The following SH3TC2 variants were observed in gnomAD, a reference collection of about 807,000 sequenced individuals.
The protein encoded by SH3TC2 is SH3 domain and tetratricopeptide repeat-containing protein 2.
In SH3TC2, 87 loss-of-function variants were observed where a neutral mutation model predicts 124.5. The ratio of observed to expected loss-of-function variants is 0.70; its 90% CI spans 0.59 to 0.84. The LOEUF is 0.84. Among genes scored for constraint, SH3TC2 ranks in the 40% least tolerant of loss-of-function variants. SH3TC2 has a pLI of 0.00. For missense variants in SH3TC2, 1,536 were observed against 1,566.4 expected (o/e 0.98, Z 0.33); for synonymous variants, 634 against 628.5 (o/e 1.01, Z -0.13).
intron 4 of SH3TC2, chr5:149,043,964 T>A (rs995664846): frequency 6.5e-6 from 1 of 153,522 alleles, no homozygotes; most frequent in Admixed American, 6.4e-5. Flanking sequence ...TAAGTTGTTC[T>A]GTCTGGAGAA....
chr5:148,998,207 T>C lies in SH3TC2; in HGVS notation c.*6504A>G, dbSNP rs1753541983. Among the ~76,000 whole-genome samples the C allele has an allele frequency of 6.6e-6, 1 of 152,208 alleles. No individual in the cohort carries two copies. The highest frequency in any genetic ancestry group is 1.5e-5 in the Non-Finnish European group (1 of 68,036). ...ATGCACAAACATATGCACACGAGGATAAACCATAAAATGCATTTCTTACTG... is the reference window on the plus strand; with the variant it reads ...ATGCACAAACATATGCACACGAGGACAAACCATAAAATGCATTTCTTACTG... On this transcript the variant is annotated 3_prime_UTR_variant, in exon 17 of 17. Transcript: ENST00000515425.
Position 148,992,937 on chromosome 5 carries a change from G to C in SH3TC2, c.*11774C>G, listed in dbSNP as rs1328651371. ...TCATTGACTTTAACTTTGGTCCTCT[G>C]TATCTCATCATTTCCTTGAAGTTTG... On this transcript the variant is annotated 3_prime_UTR_variant, in exon 17 of 17. Coordinates refer to ENST00000515425, the MANE Select transcript of SH3TC2 (RefSeq NM_024577.4). Among the ~76,000 whole-genome samples, 2 of 152,122 alleles carry C rather than the reference G, an allele frequency of 1.3e-5. No homozygotes were observed. The highest frequency in any genetic ancestry group is 3.8e-4 in the East Asian group (2 of 5,196).
Position 149,028,138 on chromosome 5 carries a change from A to G in SH3TC2, c.1594T>C (p.Phe532Leu). 1 of 1,614,140 alleles carries G rather than the reference A, an allele frequency of 6.2e-7. No individual in the cohort carries two copies. Among genetic ancestry groups the G allele is most frequent in the Non-Finnish European group, 8.5e-7 (1 of 1,180,030 alleles). The change falls in exon 11 of 17, where the codon TTC becomes CTC. Residue 532 changes from phenylalanine to leucine, a missense_variant. By Grantham distance (22) the Phe-to-Leu change is conservative (BLOSUM62 0). This residue lies in a region of SH3TC2 where 1,102 missense variants were observed against 1,098.6 expected (regional missense o/e 1.00). Coordinates refer to ENST00000515425, the MANE Select transcript of SH3TC2 (RefSeq NM_024577.4). ...HMTWAHARLC[F>L]LLGRLSIRKV... ...CTGATGCTCAGCCGGCCCAGGAGGA[A>G]GCAGAGACGGGCATGGGCCCAGGTC...
At chr5:149,008,240 C>G (rs1281874457) in intron 15 of SH3TC2, 1 of 159,238 alleles carries the variant, frequency 6.3e-6, no homozygotes, top group Non-Finnish European at 1.4e-5. Flanking sequence ...CACCAACATT[C>G]AAGATGAGGG....
Position 149,051,536 on chromosome 5 carries a change from C to T in SH3TC2, c.151+606G>A, listed in dbSNP as rs151069653. Among the ~76,000 whole-genome samples, 471 of 152,250 alleles carry T rather than the reference C, an allele frequency of 3.1e-3. 5 individuals carry two copies. The highest frequency in any genetic ancestry group is 0.011 in the African/African-American group (443 of 41,534). On this transcript the variant is annotated intron_variant, in intron 2 of 16. Transcript: ENST00000515425. ...GTGCAATTACAGCTTACTGCAGCCT[C>T]GACGTCCCAGGCTCAGGCAGTCCTC...
At chr5:149,025,059 A>C (rs1408280961) in intron 12 of SH3TC2, among the ~76,000 whole-genome samples, 1 of 152,132 alleles carries the variant, frequency 6.6e-6, no homozygotes, top group Non-Finnish European at 1.5e-5. Flanking sequence ...CCAGTCCTAC[A>C]ATACCTCACC....
At chr5:149,008,582 G>T in intron 15 of SH3TC2, 1 of 534,832 alleles carries the variant, frequency 1.9e-6, no homozygotes, top group Non-Finnish European at 3.4e-6. Context: ...CATGTACCCA[G>T]GATTGTGCTA....
chr5:149,026,851 C>T lies in SH3TC2; in HGVS notation c.2872+9G>A, dbSNP rs76488338. ...TCTATAGCTTCCCAGCAGCATGGGACATACTTACTCTTTAGATGTCGATGC... is the reference window on the plus strand; with the variant it reads ...TCTATAGCTTCCCAGCAGCATGGGATATACTTACTCTTTAGATGTCGATGC... On this transcript the variant is annotated intron_variant, in intron 11 of 16. Transcript: ENST00000515425. 5,097 of 1,614,184 alleles carry T rather than the reference C, an allele frequency of 3.2e-3. 154 individuals are homozygous for T. In the African/African-American group the frequency reaches 0.06, roughly 19 times the overall value.
intron 1 of SH3TC2, among the ~76,000 whole-genome samples, chr5:149,059,824 C>A (rs1238091740): frequency 6.6e-6 from 1 of 151,996 alleles, no homozygotes; most frequent in Non-Finnish European, 1.5e-5. Context: ...AAAGAGATAT[C>A]CAGGGGCCCC....
At chr5:149,012,885 A>G in intron 12 of SH3TC2, 151 bp from the exon 13 acceptor site, 2 of 863,718 alleles carry the variant, frequency 2.3e-6, no homozygotes, top group South Asian at 2.9e-5. Context: ...CTCTACCCCA[A>G]TCAGCTGTGT....
At position 148,991,871 on chromosome 5, in the gene SH3TC2, C is replaced by G. The variant is rs182516724; in HGVS notation, c.*12840G>C. On this transcript the variant is annotated 3_prime_UTR_variant, in exon 17 of 17. Coordinates refer to ENST00000515425, the MANE Select transcript of SH3TC2 (RefSeq NM_024577.4). Reference sequence around the variant, plus strand: ...GACTTTATCCATGGAGGTGAGCCTCCTCTTGCACTGGAAGCTGGTATGCTG... The same window carrying G: ...GACTTTATCCATGGAGGTGAGCCTCGTCTTGCACTGGAAGCTGGTATGCTG... Among the ~76,000 whole-genome samples, 2 of 152,294 alleles carry G rather than the reference C, an allele frequency of 1.3e-5. No homozygotes were observed. Among genetic ancestry groups the G allele is most frequent in the East Asian group, 3.9e-4 (2 of 5,186 alleles).
chr5:149,038,724 A>C (rs1754323949), intron 7 of SH3TC2, among the ~76,000 whole-genome samples: 1 of 152,258 alleles, frequency 6.6e-6, no homozygotes, highest in Admixed American at 6.5e-5. Flanking sequence ...TTCACCAAAG[A>C]AAAAATGTTT....
chr5:149,043,154 C>T (rs1754400630), intron 4 of SH3TC2, among the ~76,000 whole-genome samples: 1 of 152,170 alleles, frequency 6.6e-6, no homozygotes, highest in South Asian at 2.1e-4. Flanking sequence ...CGGAGGTCTC[C>T]AAGTTTACAG....
chr5:149,016,924 C>CAAAA (rs753867645), intron 12 of SH3TC2, among the ~76,000 whole-genome samples: 1 of 92,954 alleles, frequency 1.1e-5, no homozygotes, highest in Non-Finnish European at 2.2e-5. Flanking sequence ...GACTCCGTCT[C>CAAAA]AAAAAAAAAA....
Position 149,047,988 on chromosome 5 carries a change from G to A in SH3TC2, c.153C>T (p.Asp51=), listed in dbSNP as rs1302181442. The change falls in exon 3 of 17, where the codon GAC becomes GAT. Residue 51 remains aspartate, a splice_region_variant and synonymous_variant. Transcript: ENST00000515425. The stretch of plus-strand genomic sequence containing the variant: ...TCTTTACACAGAAGGAGAGTGTCAG[G>A]TCTTAAAGAGAACAGAGAGAGAAGG... ...KCFLPQNINP[D]LTLSFCVKSR... 1 of 1,614,002 alleles carries A rather than the reference G, an allele frequency of 6.2e-7. No individual in the cohort carries two copies. The highest frequency in any genetic ancestry group is 1.7e-5 in the Admixed American group (1 of 60,010).
rs1189952385 is a variant in SH3TC2 at position 148,986,275 on chromosome 5, TA to T, written c.*18435del. ...GAAAGCAATTAAATATTGTGCTAAT[TA>T]AAAAACAGACATTGCTAGTGACTGT... On this transcript the variant is annotated 3_prime_UTR_variant, in exon 17 of 17. Coordinates refer to ENST00000515425, the MANE Select transcript of SH3TC2 (RefSeq NM_024577.4). Among the ~76,000 whole-genome samples the T allele has an allele frequency of 6.6e-6, 1 of 152,184 alleles. No individual in the cohort carries two copies. Among genetic ancestry groups the T allele is most frequent in the Non-Finnish European group, 1.5e-5 (1 of 68,030 alleles).
At position 148,999,974 on chromosome 5, in the gene SH3TC2, G is replaced by A. The variant is rs1335521415; in HGVS notation, c.*4737C>T. The stretch of plus-strand genomic sequence containing the variant: ...TGGACCTTTGCTTGACACATGCACT[G>A]TCTGTCAATACCAACCTGCTGGTCT... On this transcript the variant is annotated 3_prime_UTR_variant, in exon 17 of 17. Coordinates refer to ENST00000515425, the MANE Select transcript of SH3TC2 (RefSeq NM_024577.4). Among the ~76,000 whole-genome samples the A allele has an allele frequency of 6.6e-6, 1 of 152,088 alleles. No individual in the cohort carries two copies. The highest frequency in any genetic ancestry group is 1.9e-4 in the East Asian group (1 of 5,192).
chr5:149,027,302 G>T lies in SH3TC2; in HGVS notation c.2430C>A (p.Ser810Arg). 2 of 1,614,068 alleles carry T rather than the reference G, an allele frequency of 1.2e-6. No individual in the cohort carries two copies. Among genetic ancestry groups the T allele is most frequent in the Non-Finnish European group, 1.7e-6 (2 of 1,180,044 alleles). Residue 810 changes from serine to arginine, a missense_variant, in exon 11 of 17, where the codon AGC becomes AGA. By Grantham distance (110) the Ser-to-Arg change is moderately radical. Coordinates refer to ENST00000515425, the MANE Select transcript of SH3TC2 (RefSeq NM_024577.4). Reference sequence around the variant, plus strand: ...GCACATCCAAAGCCTTCTTGGCCTGGCTGGCTAAGAGATAGGCCCATGCCA... The same window carrying T: ...GCACATCCAAAGCCTTCTTGGCCTGTCTGGCTAAGAGATAGGCCCATGCCA... ...LCLAWAYLLA[S>R]QAKKALDVLE...
At chr5:149,028,792 C>T in intron 9 of SH3TC2, 74 bp from the exon 10 acceptor site, 2 of 1,498,750 alleles carry the variant, frequency 1.3e-6, no homozygotes, top group Non-Finnish European at 1.9e-6. Context: ...AGGTGTACCC[C>T]AGATCAGTGG....
Sources: gnomAD v4.1 joint callset for allele counts (sites outside exome capture counted in the v4.1 genomes callset) on GRCh38, gnomAD v4.1.1 for gene constraint, gnomAD v4.1.1 regional missense constraint, MANE v1.5 for transcripts, NCBI Gene and HGNC (gene_info 2026-07-23, HGNC 2026-07-21) for gene names.